Variants in TBC1D9B observed in about 807,000 individuals in gnomAD.
The protein encoded by TBC1D9B is TBC1 domain family, member 9B (with GRAM domain).
TBC1D9B carries 87 observed loss-of-function variants against 121.1 expected under a neutral mutation model. The observed-to-expected ratio is 0.72, with a 90% CI of 0.60 to 0.86. The LOEUF is 0.86. Ranked by LOEUF, TBC1D9B falls within the 40% of genes least tolerant of loss-of-function variation. TBC1D9B has a pLI of 0.00. For synonymous variants in TBC1D9B, 668 were observed against 670.1 expected, an observed-to-expected ratio of 1.00 and a Z score of 0.05; for missense variants, 1,540 against 1,628.6, an observed-to-expected ratio of 0.95 and a Z score of 0.94.
At chr5:179,866,949 A>G (rs1760030552) in intron 18 of TBC1D9B, 3 of 158,694 alleles carry the variant, frequency 1.9e-5, no homozygotes, top group Admixed American at 5.9e-5. Flanking sequence ...AGGGCCTAGC[A>G]TGCTCCCATC....
At position 179,862,385 on chromosome 5, in the gene TBC1D9B, C is replaced by A. The variant is rs546231437; in HGVS notation, c.*1063G>T. On this transcript the variant is annotated 3_prime_UTR_variant, in exon 21 of 21. Transcript: ENST00000355235. ...ATCCTTGTGGCTCCAGCCCTGGGGCCCCCTGCGGTCACCTTTGGCTCCACA... is the reference window on the plus strand; with the variant it reads ...ATCCTTGTGGCTCCAGCCCTGGGGCACCCTGCGGTCACCTTTGGCTCCACA... 276 of 351,766 alleles carry A rather than the reference C, an allele frequency of 7.8e-4. 1 individual carries two copies. The highest frequency in any genetic ancestry group is 1.4e-3 in the Non-Finnish European group (245 of 169,360). The allele number at this position is 351,766 out of a possible 1,614,324, so 21.8% of individuals were successfully genotyped here. A position where few individuals can be genotyped will look rare whatever the true frequency, so the allele number is the denominator to read the frequency against.
At chr5:179,887,995 G>A in intron 7 of TBC1D9B, 108 bp downstream of exon 7, 1 of 1,388,522 alleles carries the variant, frequency 7.2e-7, no homozygotes, top group Non-Finnish European at 1.0e-6. Context: ...CCCCTAGGCG[G>A]AGGCCCACAG....
Position 179,863,201 on chromosome 5 carries a change from G to T in TBC1D9B, c.*247C>A. The T allele has an allele frequency of 5.6e-6, 3 of 535,238 alleles. No homozygotes were observed. The highest frequency in any genetic ancestry group is 9.9e-6 in the Non-Finnish European group (3 of 302,566). The allele number at this position is 535,238 out of a possible 1,614,324, so 33.2% of individuals were successfully genotyped here. A position where few individuals can be genotyped will look rare whatever the true frequency, so the allele number is the denominator to read the frequency against. On this transcript the variant is annotated 3_prime_UTR_variant, in exon 21 of 21. Coordinates refer to ENST00000355235, the MANE Select transcript of TBC1D9B (RefSeq NM_015043.4). The surrounding 1 kb of genome is among the most constrained non-coding windows in gnomAD (Gnocchi z 4.5). Reference sequence around the variant, plus strand: ...GGTGCGAGGCGGGCTCCCACCAGGTGTAAGGAAGGTGGGAGCCACAGCCTC... The same window carrying T: ...GGTGCGAGGCGGGCTCCCACCAGGTTTAAGGAAGGTGGGAGCCACAGCCTC...
chr5:179,891,008 AC>A lies in TBC1D9B; in HGVS notation c.1044+370del, dbSNP rs1161657987. 6.6e-6 allele frequency among the ~76,000 whole-genome samples: 1 copy of A among 152,162 alleles called. No individual in the cohort carries two copies. The highest frequency in any genetic ancestry group is 1.5e-5 in the Non-Finnish European group (1 of 68,026). Reference sequence around the variant, plus strand: ...GTGGCCTCTGAGAGTGACATATGGGACCGGTGCAGGAACACGGTCCTCTAAG... The same window carrying A: ...GTGGCCTCTGAGAGTGACATATGGGACGGTGCAGGAACACGGTCCTCTAAG... On this transcript the variant is annotated intron_variant, in intron 6 of 20. Coordinates refer to ENST00000355235, the MANE Select transcript of TBC1D9B (RefSeq NM_015043.4). This position sits in a 1 kb window ranked among gnomAD's most constrained non-coding sequence, Gnocchi z 4.3.
chr5:179,879,532 G>T, intron 8 of TBC1D9B, 96 bp downstream of exon 8: 1 of 1,585,744 alleles, frequency 6.3e-7, no homozygotes, highest in Non-Finnish European at 8.6e-7. Context: ...TCAGCCCAGG[G>T]CCCTGAGGGA....
Position 179,885,594 on chromosome 5 carries a change from C to A in TBC1D9B, c.1254+2509G>T, listed in dbSNP as rs1410680382. On this transcript the variant is annotated intron_variant, in intron 7 of 20. Coordinates refer to ENST00000355235, the MANE Select transcript of TBC1D9B (RefSeq NM_015043.4). The surrounding 1 kb of genome is among the most constrained non-coding windows in gnomAD (Gnocchi z 4.5). ...ACAGAGCAAGACTCTGTCCCCCCCC[C>A]AAAAAAAAAAAGATGGAGGTATTTT... Among the ~76,000 whole-genome samples, 18 of 140,988 alleles carry A rather than the reference C, an allele frequency of 1.3e-4. No individual in the cohort carries two copies. The highest frequency in any genetic ancestry group is 2.6e-4 in the African/African-American group (9 of 34,334). 92.5% of individuals were successfully genotyped at this position (140,988 alleles called of 152,430 possible).
rs1394266977 is a variant in TBC1D9B at position 179,867,213 on chromosome 5, C to T, written c.2863+565G>A. 8.0e-6 allele frequency: 4 copies of T among 502,078 alleles called. No individual in the cohort carries two copies. In the East Asian group the frequency reaches 1.2e-4, roughly 15 times the overall value. 31.1% of individuals were successfully genotyped at this position (502,078 alleles called of 1,614,324 possible). A position where few individuals can be genotyped will look rare whatever the true frequency, so the allele number is the denominator to read the frequency against. On this transcript the variant is annotated intron_variant, in intron 18 of 20. Transcript: ENST00000355235. ...TGTCTCTAACATGTGGCTGTGGAGG[C>T]CTTGCCCTGGGCCTGCTTGGCGCCT...
At chr5:179,867,350 G>A (rs1760042859) in intron 18 of TBC1D9B, 3 of 1,363,334 alleles carry the variant, frequency 2.2e-6, no homozygotes, top group Non-Finnish European at 3.0e-6. Flanking sequence ...TGAAGTCCCA[G>A]AGAGGTCCCT....
intron 10 of TBC1D9B, among the ~76,000 whole-genome samples, chr5:179,877,318 T>C (rs1426042800): frequency 3.3e-5 from 5 of 151,308 alleles, no homozygotes; most frequent in East Asian, 3.9e-4. Flanking sequence ...CTGGACAACA[T>C]AGCAAGACCC....
intron 12 of TBC1D9B, among the ~76,000 whole-genome samples, chr5:179,873,932 G>C (rs1045813933): frequency 6.6e-6 from 1 of 152,154 alleles, no homozygotes; most frequent in Admixed American, 6.5e-5. Context: ...CACAGACTCC[G>C]GCCACAGGCT....
chr5:179,866,088 A>C, intron 18 of TBC1D9B, 200 bp from the exon 19 acceptor site: 1 of 582,752 alleles, frequency 1.7e-6, no homozygotes. Flanking sequence ...GGGCCTGAGC[A>C]TTCCCTCACT....
At chr5:179,899,153 G>A in intron 3 of TBC1D9B, 36 bp downstream of exon 3, 1 of 1,542,338 alleles carries the variant, frequency 6.5e-7, no homozygotes. Flanking sequence ...GCTGGCCAGG[G>A]AAGGGTGAGA....
rs977980258 is a variant in TBC1D9B, at chr5:179,863,550, AAAG to A, written c.3597_3599del (p.Phe1200del). On this transcript the variant is annotated inframe_deletion, in exon 21 of 21. Coordinates refer to ENST00000355235, the MANE Select transcript of TBC1D9B (RefSeq NM_015043.4). This position sits in a 1 kb window ranked among gnomAD's most constrained non-coding sequence, Gnocchi z 4.5. ...TGAGTCCAATGTCCACTCTCTTCTC[AAAG>A]AAGTTCACCAGCACGGACTCCGTCA... is the stretch of plus-strand genomic sequence containing the variant. 2 of 1,614,040 alleles carry A rather than the reference AAAG, an allele frequency of 1.2e-6. No individual in the cohort carries two copies. Among genetic ancestry groups the A allele is most frequent in the Admixed American group, 1.7e-5 (1 of 60,022 alleles).
chr5:179,886,858 C>G (rs1760699864), intron 7 of TBC1D9B, among the ~76,000 whole-genome samples: 1 of 152,214 alleles, frequency 6.6e-6, no homozygotes, highest in South Asian at 2.1e-4. Flanking sequence ...CACCAGAAAG[C>G]AAGGAATCAA....
intron 7 of TBC1D9B, among the ~76,000 whole-genome samples, chr5:179,886,551 A>G (rs1281494972): frequency 6.6e-6 from 1 of 152,164 alleles, no homozygotes; most frequent in Admixed American, 6.6e-5. Context: ...TGCAATCCAC[A>G]TTGATTCCGC....
At chr5:179,894,094 A>G (rs1760948331) in intron 4 of TBC1D9B, among the ~76,000 whole-genome samples, 2 of 152,152 alleles carry the variant, frequency 1.3e-5, no homozygotes, top group Non-Finnish European at 1.5e-5. Context: ...AATCACCAGG[A>G]ATTTGGGACA....
At chr5:179,881,565 C>T (rs1432704473) in intron 7 of TBC1D9B, among the ~76,000 whole-genome samples, 1 of 152,160 alleles carries the variant, frequency 6.6e-6, no homozygotes, top group African/African-American at 2.4e-5. Flanking sequence ...CGTATGTTTA[C>T]TTTTGGATAT....
intron 7 of TBC1D9B, among the ~76,000 whole-genome samples, chr5:179,881,077 C>T (rs1760529796): frequency 6.6e-6 from 1 of 152,208 alleles, no homozygotes; most frequent in Non-Finnish European, 1.5e-5. Flanking sequence ...GGCCAGACCG[C>T]CGGGTGTGTG....
chr5:179,886,617 G>A (rs913498151), intron 7 of TBC1D9B, among the ~76,000 whole-genome samples: 1 of 152,132 alleles, frequency 6.6e-6, no homozygotes, highest in African/African-American at 2.4e-5. Context: ...CTATTACTGG[G>A]GCAGACAATG....
Sources: allele counts gnomAD v4.1 joint callset (sites outside exome capture counted in the v4.1 genomes callset), GRCh38; gene constraint gnomAD v4.1.1; non-coding constraint Gnocchi (gnomAD v3.1); transcripts MANE v1.5; gene names NCBI Gene and HGNC (gene_info 2026-07-23, HGNC 2026-07-21).